The following MARCHF11 variants were observed in gnomAD, a reference collection of about 807,000 sequenced individuals.
The protein encoded by MARCHF11 is membrane associated ring-CH-type finger 11.
In MARCHF11, 29 loss-of-function variants were observed where a neutral mutation model predicts 37.3. The ratio of observed to expected loss-of-function variants is 0.78; its 90% CI spans 0.58 to 1.06. The LOEUF is 1.06. MARCHF11 is among the 50% of genes least tolerant of loss of function. The probability of loss-of-function intolerance (pLI) is 0.00; values close to 1 mark genes in which losing one functional copy is unlikely to be tolerated. For synonymous variants in MARCHF11, 233 were observed against 228.0 expected (o/e 1.02, Z -0.20); for missense variants, 482 against 533.4 (o/e 0.90, Z 0.95).
intron 2 of MARCHF11, among the ~76,000 whole-genome samples, chr5:16,124,142 A>C (rs924375964): frequency 6.6e-6 from 1 of 152,208 alleles, no homozygotes; most frequent in Non-Finnish European, 1.5e-5. Context: ...TGAGCATGGA[A>C]TGACCAGGAT....
chr5:16,173,914 G>T (rs34477229), intron 2 of MARCHF11, among the ~76,000 whole-genome samples: 23,438 of 152,202 alleles, frequency 0.15, 1,872 homozygotes, highest in South Asian at 0.25. Flanking sequence ...AGTCAATGGA[G>T]ATGCAAAGAG....
At chr5:16,176,243 C>T (rs1247784487) in intron 2 of MARCHF11, among the ~76,000 whole-genome samples, 3 of 152,082 alleles carry the variant, frequency 2.0e-5, no homozygotes, top group African/African-American at 7.2e-5. Context: ...TCTGTTTCAG[C>T]CAATGAGTGT....
At chr5:16,112,070 T>C (rs1164587915) in intron 2 of MARCHF11, among the ~76,000 whole-genome samples, 2 of 152,220 alleles carry the variant, frequency 1.3e-5, no homozygotes, top group African/African-American at 2.4e-5. Flanking sequence ...GGCAGAAATT[T>C]GCTGCAGGAG....
chr5:16,136,369 G>A (rs1431175255), intron 2 of MARCHF11, among the ~76,000 whole-genome samples: 1 of 152,170 alleles, frequency 6.6e-6, no homozygotes, highest in Non-Finnish European at 1.5e-5. Flanking sequence ...AGACAGGATA[G>A]AAAGATAAAT....
Position 16,155,114 on chromosome 5 carries a change from T to C in MARCHF11, c.693+22612A>G, listed in dbSNP as rs183403148. On this transcript the variant is annotated intron_variant, in intron 2 of 3. Coordinates refer to ENST00000332432, the MANE Select transcript of MARCHF11 (RefSeq NM_001102562.3). ...AACTGTTAGATAACTGTTAAATTCA[T>C]TCTAAAGAATATAATGCATTGGTTA... 3.9e-3 allele frequency among the ~76,000 whole-genome samples: 589 copies of C among 152,000 alleles called. 2 individuals are homozygous for C. Among genetic ancestry groups the C allele is most frequent in the Middle Eastern group, 0.01 (3 of 292 alleles).
intron 2 of MARCHF11, among the ~76,000 whole-genome samples, chr5:16,120,605 A>G (rs1486448661): frequency 6.6e-6 from 1 of 152,262 alleles, no homozygotes; most frequent in African/African-American, 2.4e-5. Context: ...CTCTGACTTC[A>G]TAACCTGTCA....
intron 3 of MARCHF11, among the ~76,000 whole-genome samples, chr5:16,084,802 TA>T (rs1736669009): frequency 6.6e-6 from 1 of 151,736 alleles, no homozygotes; most frequent in Non-Finnish European, 1.5e-5. Flanking sequence ...AATAAGAAGA[TA>T]TTTTTATCTG....
chr5:16,091,620 T>C (rs546853665), intron 2 of MARCHF11, among the ~76,000 whole-genome samples: 24 of 152,340 alleles, frequency 1.6e-4, no homozygotes, highest in African/African-American at 4.8e-4. Flanking sequence ...AATTGTACAT[T>C]ATCTGTTATT....
At chr5:16,111,973 A>G (rs1228946764) in intron 2 of MARCHF11, among the ~76,000 whole-genome samples, 1 of 152,212 alleles carries the variant, frequency 6.6e-6, no homozygotes, top group Non-Finnish European at 1.5e-5. Context: ...CATGGCATTG[A>G]GCCTGCAGGT....
At chr5:16,098,514 C>G (rs375826212) in intron 2 of MARCHF11, among the ~76,000 whole-genome samples, 8 of 152,230 alleles carry the variant, frequency 5.3e-5, no homozygotes, top group African/African-American at 1.9e-4. Context: ...CACCTGTAAT[C>G]CCAGCACTTT....
chr5:16,095,611 C>T (rs375667238), intron 2 of MARCHF11, among the ~76,000 whole-genome samples: 26 of 152,300 alleles, frequency 1.7e-4, no homozygotes, highest in South Asian at 8.3e-4. Flanking sequence ...CAGCATGCAA[C>T]GTCTGTCTCC....
chr5:16,130,251 T>TACACACACACACAC lies in MARCHF11; in HGVS notation c.694-39184_694-39171dup, dbSNP rs56978661. Among the ~76,000 whole-genome samples, 686 of 144,336 alleles carry TACACACACACACAC rather than the reference T, an allele frequency of 4.8e-3. 4 individuals carry two copies. Among genetic ancestry groups the TACACACACACACAC allele is most frequent in the Non-Finnish European group, 3.1e-3 (201 of 65,576 alleles). The allele number at this position is 144,336 out of a possible 152,430, so 94.7% of individuals were successfully genotyped here. ...TAAAAGACCGTAAATTCCAGGTACA[T>TACACACACACACAC]ACACACACACACACACACACACACA... On this transcript the variant is annotated intron_variant, in intron 2 of 3. Coordinates refer to ENST00000332432, the MANE Select transcript of MARCHF11 (RefSeq NM_001102562.3).
chr5:16,093,330 A>C (rs371120130), intron 2 of MARCHF11, among the ~76,000 whole-genome samples: 4 of 152,332 alleles, frequency 2.6e-5, no homozygotes, highest in East Asian at 1.9e-4. Context: ...GAATAGCTCA[A>C]AACTGCATAA....
intron 2 of MARCHF11, among the ~76,000 whole-genome samples, chr5:16,157,371 C>A (rs1000092540): frequency 4.0e-5 from 6 of 151,764 alleles, no homozygotes; most frequent in Non-Finnish European, 5.9e-5. Flanking sequence ...CCATCAAAGA[C>A]CCTGAATAGC....
chr5:16,086,025 G>A (rs1488542745), intron 3 of MARCHF11, among the ~76,000 whole-genome samples: 1 of 124,284 alleles, frequency 8.0e-6, no homozygotes, highest in Admixed American at 8.6e-5. Flanking sequence ...TGTGCTAAAA[G>A]AAATATTCAT....
intron 2 of MARCHF11, among the ~76,000 whole-genome samples, chr5:16,094,559 T>C (rs965485253): frequency 3.9e-5 from 6 of 152,096 alleles, no homozygotes; most frequent in African/African-American, 1.2e-4. Context: ...TGCATTTAAC[T>C]TTCTTCCCAC....
chr5:16,099,205 G>A (rs566696835), intron 2 of MARCHF11, among the ~76,000 whole-genome samples: 3 of 152,178 alleles, frequency 2.0e-5, no homozygotes, highest in East Asian at 1.9e-4. Context: ...CAAGAAATAC[G>A]ACCCACTTAT....
intron 2 of MARCHF11, among the ~76,000 whole-genome samples, chr5:16,121,847 A>G (rs758613488): frequency 1.3e-5 from 2 of 152,146 alleles, no homozygotes; most frequent in Admixed American, 6.5e-5. Flanking sequence ...TACCATCAAT[A>G]TTATTGTAGC....
rs1034079070 is a variant in MARCHF11, at chr5:16,119,235, C to T, written c.694-28154G>A. ...AAAATTAGCCAGGTGTGGTGACTCA[C>T]GCCTGTAATTGCACCTGCTCGGGAG... On this transcript the variant is annotated intron_variant, in intron 2 of 3. Transcript: ENST00000332432. Among the ~76,000 whole-genome samples, 9 of 152,026 alleles carry T rather than the reference C, an allele frequency of 5.9e-5. No individual in the cohort carries two copies. The East Asian group carries it at 9.7e-4, about 16-fold the overall frequency.
Sources: gnomAD v4.1 joint callset for allele counts (sites outside exome capture counted in the v4.1 genomes callset) on GRCh38, gnomAD v4.1.1 for gene constraint, MANE v1.5 for transcripts, NCBI Gene and HGNC (gene_info 2026-07-23, HGNC 2026-07-21) for gene names.